FNTA: variants seen among roughly 807,000 people sequenced by gnomAD.
FNTA encodes the protein protein farnesyltransferase/geranylgeranyltransferase type-1 subunit alpha.
Under a neutral mutation model 55.2 loss-of-function variants are expected in FNTA, and 27 were observed. That is an observed-to-expected ratio of 0.49 (90% CI 0.36 to 0.67). FNTA has a LOEUF of 0.67. Among genes scored for constraint, FNTA ranks in the 30% least tolerant of loss-of-function variants. The pLI, the probability that FNTA is intolerant of heterozygous loss-of-function variation, is 0.00. For synonymous variants in FNTA, 176 were observed against 170.7 expected (o/e 1.03, Z -0.24); for missense variants, 422 against 464.7 (o/e 0.91, Z 0.85).
At chr8:43,076,969 T>G (rs766342100) in intron 5 of FNTA, 7 of 329,964 alleles carry the variant, frequency 2.1e-5, no homozygotes, top group Non-Finnish European at 2.7e-5. Flanking sequence ...GTTTGGGGTT[T>G]TTTTCCCTCA....
chr8:43,084,912 T>C (rs376440643), intron 8 of FNTA, 31 bp downstream of exon 8: 7 of 1,598,500 alleles, frequency 4.4e-6, no homozygotes, highest in Non-Finnish European at 6.0e-6. Flanking sequence ...GCTGTCATTT[T>C]TGGTATCTCA....
At chr8:43,066,415 C>T (rs181967571) in intron 3 of FNTA, among the ~76,000 whole-genome samples, 1 of 151,036 alleles carries the variant, frequency 6.6e-6, no homozygotes, top group Admixed American at 6.6e-5. Context: ...TGCCACCACT[C>T]CCAGCTAATT....
At chr8:43,084,004 G>A (rs1235134749) in intron 7 of FNTA, among the ~76,000 whole-genome samples, 1 of 151,998 alleles carries the variant, frequency 6.6e-6, no homozygotes, top group Non-Finnish European at 1.5e-5. Flanking sequence ...ACCTGGAGGT[G>A]GAGGTCAGAG....
intron 6 of FNTA, chr8:43,081,026 G>C (rs1811015577): frequency 6.6e-6 from 1 of 152,132 alleles, no homozygotes; most frequent in South Asian, 2.1e-4. Flanking sequence ...GTGAAGAGTA[G>C]CTGTAGGTAT....
Position 43,084,733 on chromosome 8 carries a change from C to A in FNTA, c.869C>A (p.Ser290Tyr), listed in dbSNP as rs141224054. The A allele has an allele frequency of 1.2e-4, 187 of 1,609,530 alleles. No individual in the cohort carries two copies. Among genetic ancestry groups the A allele is most frequent in the Non-Finnish European group, 1.5e-4 (178 of 1,178,582 alleles). The change falls in exon 8 of 9, where the codon TCC becomes TAC. Residue 290 changes from serine (S) to tyrosine (Y), a missense_variant. By Grantham distance (144) the Ser-to-Tyr change is moderately radical. Around this residue, in one of 2 missense-constraint regions of FNTA, gnomAD observed 262 missense variants for 343.1 expected, o/e 0.76. Transcript: ENST00000302279. ...AGGATTTTGCAGGATCGTGGTCTTT[C>A]CAAATATCCTAATCTGTTAAATCAA... ...LKGILQDRGL[S>Y]KYPNLLNQLL...
At chr8:43,084,658 T>C in intron 7 of FNTA, 52 bp from the exon 8 acceptor site, 4 of 1,437,950 alleles carry the variant, frequency 2.8e-6, no homozygotes, top group Non-Finnish European at 2.8e-6. Context: ...TTTCTACTGC[T>C]TTTGTTCTTC....
intron 3 of FNTA, among the ~76,000 whole-genome samples, chr8:43,066,747 C>G (rs1810670159): frequency 6.6e-6 from 1 of 152,070 alleles, no homozygotes; most frequent in African/African-American, 2.4e-5. Flanking sequence ...ATTGGAAGCC[C>G]TGTGTGTGGC....
chr8:43,077,371 A>G lies in FNTA; in HGVS notation c.782+7A>G, dbSNP rs1586660552. 2 of 1,601,182 alleles carry G rather than the reference A, an allele frequency of 1.2e-6. No homozygotes were observed. Among genetic ancestry groups the G allele is most frequent in the Non-Finnish European group, 1.7e-6 (2 of 1,172,774 alleles). On this transcript the variant is annotated splice_region_variant and intron_variant, in intron 6 of 8. Transcript: ENST00000302279. ...TATTGGAGAGAGAAGTCCAGTTAGT[A>G]ATCTCCTTCACTTGCTCATTCGTTA...
chr8:43,056,515 A>T lies in FNTA; in HGVS notation c.169A>T (p.Ser57Cys). 1 of 1,563,514 alleles carries T rather than the reference A, an allele frequency of 6.4e-7. No homozygotes were observed. Among genetic ancestry groups the T allele is most frequent in the African/African-American group, 1.4e-5 (1 of 70,926 alleles). The change falls in exon 1 of 9, where the codon AGC becomes TGC. Residue 57 changes from serine to cysteine, a missense_variant. Physicochemically the swap from Ser to Cys is moderately radical, Grantham distance 112. Transcript: ENST00000302279. ...VASPMDDGFV[S>C]LDSPSYVLYR... ...GTCCCCCATGGACGACGGGTTTGTG[A>T]GCCTGGACTCGCCCTCCTATGTCCT...
chr8:43,078,074 A>G (rs1297544801), intron 6 of FNTA: 2 of 152,234 alleles, frequency 1.3e-5, no homozygotes, highest in African/African-American at 4.8e-5. Context: ...TGATTTGTAT[A>G]GTGCATCTCC....
chr8:43,063,145 A>T (rs1167889559), intron 2 of FNTA: 2 of 363,370 alleles, frequency 5.5e-6, no homozygotes, highest in South Asian at 1.9e-5. Flanking sequence ...GGTGCTTGCG[A>T]TCATGGCTCA....
intron 2 of FNTA, among the ~76,000 whole-genome samples, chr8:43,060,079 A>G (rs1810496386): frequency 6.6e-6 from 1 of 152,232 alleles, no homozygotes; most frequent in African/African-American, 2.4e-5. Context: ...TTGTATCCCT[A>G]TCATTCTTAG....
At chr8:43,076,940 C>T (rs1810925477) in intron 5 of FNTA, 2 of 274,174 alleles carry the variant, frequency 7.3e-6, no homozygotes, top group Admixed American at 5.1e-5. Context: ...ACTGTGGTCA[C>T]TCCTTCTCTT....
chr8:43,061,082 T>C (rs1810519197), intron 2 of FNTA, among the ~76,000 whole-genome samples: 1 of 152,250 alleles, frequency 6.6e-6, no homozygotes, highest in Non-Finnish European at 1.5e-5. Flanking sequence ...AAAACTGTCT[T>C]GATATTATAT....
chr8:43,057,120 C>T (rs969846993), intron 1 of FNTA: 5 of 152,168 alleles, frequency 3.3e-5, no homozygotes, highest in Admixed American at 2.0e-4. Context: ...CTTAAGTCTC[C>T]CTGCATCGCC....
intron 2 of FNTA, among the ~76,000 whole-genome samples, chr8:43,061,132 T>G (rs1207637514): frequency 6.6e-6 from 1 of 152,388 alleles, no homozygotes; most frequent in Non-Finnish European, 1.5e-5. Flanking sequence ...ACATTTCATA[T>G]GGGATTTTTC....
intron 5 of FNTA, among the ~76,000 whole-genome samples, chr8:43,072,720 C>G (rs1258235157): frequency 6.6e-6 from 1 of 151,840 alleles, no homozygotes; most frequent in East Asian, 1.9e-4. Flanking sequence ...GAGTGAGACC[C>G]TATCTATTTT....
chr8:43,071,181 A>G (rs1810781742), intron 4 of FNTA, among the ~76,000 whole-genome samples: 1 of 152,114 alleles, frequency 6.6e-6, no homozygotes, highest in Non-Finnish European at 1.5e-5. Flanking sequence ...CGTTTTATTG[A>G]GATATAGTTC....
intron 2 of FNTA, among the ~76,000 whole-genome samples, chr8:43,060,531 T>C (rs1810506346): frequency 6.6e-6 from 1 of 151,886 alleles, no homozygotes; most frequent in African/African-American, 2.4e-5. Flanking sequence ...AAAAATTAGC[T>C]GGGCGTGGTG....
Sources: allele counts gnomAD v4.1 joint callset (sites outside exome capture counted in the v4.1 genomes callset), GRCh38; gene constraint gnomAD v4.1.1; regional missense constraint gnomAD v4.1.1; transcripts MANE v1.5; gene names NCBI Gene and HGNC (gene_info 2026-07-23, HGNC 2026-07-21).